The following NLRP6 variants were observed in gnomAD, a reference collection of about 807,000 sequenced individuals.
The protein encoded by NLRP6 is NACHT, LRR and PYD domains-containing protein 6.
In NLRP6, 55 loss-of-function variants were observed where a neutral mutation model predicts 70.9. The ratio of observed to expected loss-of-function variants is 0.78; its 90% CI spans 0.62 to 0.97. NLRP6 has a LOEUF of 0.97. NLRP6 is among the 50% of genes least tolerant of loss of function. The pLI, the probability that NLRP6 is intolerant of heterozygous loss-of-function variation, is 0.00. For missense variants in NLRP6, 1,241 were observed against 1,238.3 expected (o/e 1.00, Z -0.03); for synonymous variants, 652 against 581.9 (o/e 1.12, Z -1.73).
chr11:280,057 C>A (rs1845444654), intron 3 of NLRP6, 27 bp from the exon 4 acceptor site: 1 of 1,458,604 alleles, frequency 6.9e-7, no homozygotes, highest in South Asian at 1.4e-5. Flanking sequence ...CGACCCTTGT[C>A]CCCGCGCTGT....
At position 278,439 on chromosome 11, in the gene NLRP6, G is replaced by A; in HGVS notation, c.-131G>A. ...AGCATCTCGTGCCAGCTGAGCTGCG[G>A]TGTGTGGACCCGGGGAATGGACCGG... On this transcript the variant is annotated 5_prime_UTR_variant, in exon 1 of 8. The change creates a new upstream start codon in the 5' untranslated region. Coordinates refer to ENST00000534750, the MANE Select transcript of NLRP6 (RefSeq NM_001276700.2). This position sits in a 1 kb window ranked among gnomAD's most constrained non-coding sequence, Gnocchi z 4.7. 1.5e-6 allele frequency: 1 copy of A among 657,768 alleles called. No individual in the cohort carries two copies. The highest frequency in any genetic ancestry group is 2.5e-6 in the Non-Finnish European group (1 of 395,404). The allele number at this position is 657,768 out of a possible 1,614,324, so 40.7% of individuals were successfully genotyped here. A position where few individuals can be genotyped will look rare whatever the true frequency, so the allele number is the denominator to read the frequency against.
Position 278,685 on chromosome 11 carries a change from T to C in NLRP6, c.29+87T>C, listed in dbSNP as rs1845423144. On this transcript the variant is annotated intron_variant, in intron 1 of 7. Coordinates refer to ENST00000534750, the MANE Select transcript of NLRP6 (RefSeq NM_001276700.2). This position sits in a 1 kb window ranked among gnomAD's most constrained non-coding sequence, Gnocchi z 4.7. Reference sequence around the variant, plus strand: ...ACCTCACCCGCTGACTTCCTCAGGCTCTCCACCCTTGTCCACATCCTTCCC... The same window carrying C: ...ACCTCACCCGCTGACTTCCTCAGGCCCTCCACCCTTGTCCACATCCTTCCC... The C allele has an allele frequency of 9.4e-7, 1 of 1,060,050 alleles. No homozygotes were observed. The highest frequency in any genetic ancestry group is 2.6e-5 in the Admixed American group (1 of 38,644). 65.7% of individuals were successfully genotyped at this position (1,060,050 alleles called of 1,614,324 possible). A position where few individuals can be genotyped will look rare whatever the true frequency, so the allele number is the denominator to read the frequency against.
chr11:280,805 T>C lies in NLRP6; in HGVS notation c.1071T>C (p.Tyr357=), dbSNP rs1845462258. 1 of 1,612,838 alleles carries C rather than the reference T, an allele frequency of 6.2e-7. No individual in the cohort carries two copies. Among genetic ancestry groups the C allele is most frequent in the East Asian group, 2.2e-5 (1 of 44,884 alleles). The stretch of plus-strand genomic sequence containing the variant: ...TCTCCGACAAGGACAAGAAGAAGTA[T>C]TTCTACAAGTATTTCCGGGATGAGA... ...RGFSDKDKKK[Y]FYKYFRDERR... Residue 357 remains tyrosine, a synonymous_variant, in exon 4 of 8, where the codon TAT becomes TAC. Coordinates refer to ENST00000534750, the MANE Select transcript of NLRP6 (RefSeq NM_001276700.2).
At chr11:279,745 C>T (rs1345138943) in intron 2 of NLRP6, 89 bp from the exon 3 acceptor site, 5 of 1,429,944 alleles carry the variant, frequency 3.5e-6, no homozygotes, top group Non-Finnish European at 4.6e-6. Flanking sequence ...GGGGTAGGAC[C>T]CTGCGTGCTC....
rs201891372 is a variant in NLRP6, at chr11:284,636, C to T, written c.2531C>T (p.Thr844Ile). 39 of 1,604,398 alleles carry T rather than the reference C, an allele frequency of 2.4e-5. No individual in the cohort carries two copies. In the East Asian group the frequency reaches 8.3e-4, roughly 34 times the overall value. Residue 844 changes from threonine to isoleucine, a missense_variant, in exon 7 of 8, where the codon ACC (threonine) becomes ATC (isoleucine). Physicochemically the swap from Thr to Ile is moderately conservative, Grantham distance 89. Coordinates refer to ENST00000534750, the MANE Select transcript of NLRP6 (RefSeq NM_001276700.2). The part of the protein sequence containing the change: ...VLQHQGCGLQ[T>I]LSLASVELSE... Reference sequence around the variant, plus strand: ...CAGCACCAGGGATGCGGCCTGCAGACCCTCAGGTGGAGGCAGGGGTGGGAA... The same window carrying T: ...CAGCACCAGGGATGCGGCCTGCAGATCCTCAGGTGGAGGCAGGGGTGGGAA...
In NLRP6 at chr11:280,643, C is replaced by A; in HGVS notation, c.909C>A (p.Ser303Arg). ...GCACAGACCCCTTCGAGGCGGCGAGCGGCGCGCGGGTGCTAGGCGGGCTGC... is the reference window on the plus strand; with the variant it reads ...GCACAGACCCCTTCGAGGCGGCGAGAGGCGCGCGGGTGCTAGGCGGGCTGC... The part of the protein sequence containing the change: ...APCTDPFEAA[S>R]GARVLGGLLS... The change falls in exon 4 of 8, where the codon AGC (serine) becomes AGA (arginine). Residue 303 changes from serine to arginine, a missense_variant. Transcript: ENST00000534750. 1 of 1,506,942 alleles carries A rather than the reference C, an allele frequency of 6.6e-7. No homozygotes were observed. Among genetic ancestry groups the A allele is most frequent in the Non-Finnish European group, 8.8e-7 (1 of 1,136,536 alleles). 93.3% of individuals were successfully genotyped at this position (1,506,942 alleles called of 1,614,324 possible).
chr11:282,742 C>G lies in NLRP6; in HGVS notation c.2143C>G (p.Leu715Val), dbSNP rs866373826. 2 of 1,614,044 alleles carry G rather than the reference C, an allele frequency of 1.2e-6. No individual in the cohort carries two copies. Among genetic ancestry groups the G allele is most frequent in the Non-Finnish European group, 8.5e-7 (1 of 1,179,992 alleles). Residue 715 changes from leucine to valine, a missense_variant, in exon 5 of 8, where the codon CTT becomes GTT. Coordinates refer to ENST00000534750, the MANE Select transcript of NLRP6 (RefSeq NM_001276700.2). Reference protein sequence around the residue: ...GTTKQLPASLLHPLFQAMTDP... With the variant: ...GTTKQLPASLVHPLFQAMTDP... ...CACAAAACAACTGCCAGCCTCCCTT[C>G]TTCATCCACTCTTTCAGGCAATGAC...
In NLRP6 at chr11:281,481, G is replaced by T; in HGVS notation, c.1747G>T (p.Gly583Ter). Residue 583 changes from glycine (G) to a stop codon, truncating the protein, a stop_gained, in exon 4 of 8, where the codon GGA (glycine) becomes TGA (stop). Coordinates refer to ENST00000534750, the MANE Select transcript of NLRP6 (RefSeq NM_001276700.2). LOFTEE classifies it high-confidence loss of function. The stretch of plus-strand genomic sequence containing the variant: ...GGCCCTGCGGTGGGTGCAGGGACAG[G>T]GACAGGGCTGCCCCGGAGTGGCACC... The part of the protein sequence containing the change: ...QEALRWVQGQ[G>*]QGCPGVAPEV... 1 of 1,597,340 alleles carries T rather than the reference G, an allele frequency of 6.3e-7. No individual in the cohort carries two copies. The highest frequency in any genetic ancestry group is 8.5e-7 in the Non-Finnish European group (1 of 1,170,294).
intron 1 of NLRP6, chr11:279,028 A>C: frequency 2.8e-6 from 1 of 357,764 alleles, no homozygotes; most frequent in Admixed American, 4.7e-5. Context: ...CAGAAGCAGA[A>C]AGGGAGGTGC....
rs1409126279 is a variant in NLRP6, at chr11:280,986, G to C, written c.1252G>C (p.Val418Leu). ...GCGCACGTCCAAGACCACCACGTCA[G>C]TGTACCTGCTTTTCATCACCAGCGT... ...LSRTSKTTTS[V>L]YLLFITSVLS... The change falls in exon 4 of 8, where the codon GTG becomes CTG. Residue 418 changes from valine (V) to leucine (L), a missense_variant. By Grantham distance (32) the Val-to-Leu change is conservative (BLOSUM62 1). Coordinates refer to ENST00000534750, the MANE Select transcript of NLRP6 (RefSeq NM_001276700.2). The C allele has an allele frequency of 5.0e-6, 8 of 1,613,206 alleles. No homozygotes were observed. In the South Asian group the frequency reaches 6.6e-5, roughly 13 times the overall value.
rs141755467 is a variant in NLRP6, at chr11:280,403, G to C, written c.669G>C (p.Lys223Asn). 2,956 of 1,578,840 alleles carry C rather than the reference G, an allele frequency of 1.9e-3. 7 individuals are homozygous for C. The highest frequency in any genetic ancestry group is 2.4e-3 in the Non-Finnish European group (2,823 of 1,170,722). Residue 223 changes from lysine to asparagine, a missense_variant, in exon 4 of 8, where the codon AAG becomes AAC. Physicochemically the swap from Lys to Asn is moderately conservative, Grantham distance 94. Transcript: ENST00000534750. ...TCCTGTACGACTGGGCGGCGGGCAA[G>C]CTGTACCAGGGCCAGGTGGACTTCG... is the stretch of plus-strand genomic sequence containing the variant. ...KKILYDWAAGKLYQGQVDFAF... is the reference protein window; with the variant it reads ...KKILYDWAAGNLYQGQVDFAF...
chr11:281,106 G>A lies in NLRP6; in HGVS notation c.1372G>A (p.Ala458Thr), dbSNP rs745532772. 7 of 1,612,768 alleles carry A rather than the reference G, an allele frequency of 4.3e-6. No individual in the cohort carries two copies. Among genetic ancestry groups the A allele is most frequent in the Middle Eastern group, 1.7e-4 (1 of 6,058 alleles). The change falls in exon 4 of 8, where the codon GCG (alanine) becomes ACG (threonine). Residue 458 changes from alanine (A) to threonine (T), a missense_variant. Coordinates refer to ENST00000534750, the MANE Select transcript of NLRP6 (RefSeq NM_001276700.2). ...CCGCGAGGGCGTCCTCGGACGCAGG[G>A]CGCAGTTTGCCGAGAAGGAACTGGA... is the stretch of plus-strand genomic sequence containing the variant. ...LAREGVLGRR[A>T]QFAEKELEQL...
In NLRP6 at chr11:281,427, T is replaced by G; in HGVS notation, c.1693T>G (p.Cys565Gly). 1.2e-6 allele frequency: 2 copies of G among 1,607,924 alleles called. No homozygotes were observed. Among genetic ancestry groups the G allele is most frequent in the South Asian group, 2.2e-5 (2 of 90,344 alleles). ...RMRDIERHFG[C>G]MVSERVKQEA... Reference sequence around the variant, plus strand: ...GCGCGACATCGAGCGCCACTTCGGCTGCATGGTTTCAGAGCGTGTGAAGCA... The same window carrying G: ...GCGCGACATCGAGCGCCACTTCGGCGGCATGGTTTCAGAGCGTGTGAAGCA... The change falls in exon 4 of 8, where the codon TGC (cysteine) becomes GGC (glycine). Residue 565 changes from cysteine (C) to glycine (G), a missense_variant. Coordinates refer to ENST00000534750, the MANE Select transcript of NLRP6 (RefSeq NM_001276700.2).
At chr11:281,963 G>C (rs1312053581) in intron 4 of NLRP6, 124 bp downstream of exon 4, 1 of 843,722 alleles carries the variant, frequency 1.2e-6, no homozygotes, top group Admixed American at 3.2e-5. Flanking sequence ...TCCCCAGATG[G>C]GGAGGCTTTG....
chr11:279,221 A>T, intron 1 of NLRP6, 106 bp from the exon 2 acceptor site: 1 of 957,406 alleles, frequency 1.0e-6, no homozygotes, highest in Non-Finnish European at 1.4e-6. Flanking sequence ...TTGGCCCGGG[A>T]CTCCCTGAGG....
chr11:283,221 T>C (rs1845502969), intron 5 of NLRP6, among the ~76,000 whole-genome samples: 1 of 152,084 alleles, frequency 6.6e-6, no homozygotes, highest in South Asian at 2.1e-4. Flanking sequence ...CAAGTCCATC[T>C]GTCCGAGCTT....
Position 281,392 on chromosome 11 carries a change from C to A in NLRP6, c.1658C>A (p.Ala553Glu). The change falls in exon 4 of 8, where the codon GCG becomes GAG. Residue 553 changes from alanine (A) to glutamate (E), a missense_variant. Transcript: ENST00000534750. ...TTRFLFGLLS[A>E]ERMRDIERHF... ...CGCTTCCTCTTCGGACTGCTGAGCG[C>A]GGAGCGGATGCGCGACATCGAGCGC... 5 of 1,609,770 alleles carry A rather than the reference C, an allele frequency of 3.1e-6. No individual in the cohort carries two copies. The highest frequency in any genetic ancestry group is 4.2e-6 in the Non-Finnish European group (5 of 1,178,640).
Position 285,197 on chromosome 11 carries a change from C to T in NLRP6, c.2569C>T (p.Leu857=). ...CTCTGTGGAGCTGAGCGAGCAGTCA[C>T]TACAGGAGCTTCAGGCTGTGAAGAG... ...LASVELSEQS[L]QELQAVKRAK... The change falls in exon 8 of 8, where the codon CTA becomes TTA. Residue 857 remains leucine, a synonymous_variant. Transcript: ENST00000534750. 9 of 1,596,170 alleles carry T rather than the reference C, an allele frequency of 5.6e-6. No individual in the cohort carries two copies. The highest frequency in any genetic ancestry group is 1.1e-5 in the South Asian group (1 of 88,408).
rs985543549 is a variant in NLRP6, at chr11:285,044, C to T, written c.2538-122C>T. On this transcript the variant is annotated intron_variant, in intron 7 of 7. Transcript: ENST00000534750. ...GACAGCCCAGTCACTGCCCGCAGCC[C>T]GGCCACCCCCACGGCACTGCCCGTC... is the stretch of plus-strand genomic sequence containing the variant. The T allele has an allele frequency of 4.2e-5, 33 of 793,838 alleles. 1 individual carries two copies. Among genetic ancestry groups the T allele is most frequent in the Non-Finnish European group, 5.6e-5 (28 of 498,806 alleles). 49.2% of individuals were successfully genotyped at this position (793,838 alleles called of 1,614,324 possible).
Sources: gnomAD v4.1 joint callset for allele counts (sites outside exome capture counted in the v4.1 genomes callset) on GRCh38, gnomAD v4.1.1 for gene constraint, Gnocchi (gnomAD v3.1) non-coding constraint, MANE v1.5 for transcripts, NCBI Gene and HGNC (gene_info 2026-07-23, HGNC 2026-07-21) for gene names.